Variants in NUP37 observed in about 807,000 individuals in gnomAD.
The protein encoded by NUP37 is nucleoporin Nup37.
Under a neutral mutation model 45.4 loss-of-function variants are expected in NUP37, and 33 were observed. That is an observed-to-expected ratio of 0.73 (90% CI 0.55 to 0.97). NUP37 has a LOEUF of 0.97. NUP37 is among the 50% of genes least tolerant of loss of function. The pLI, the probability that NUP37 is intolerant of heterozygous loss-of-function variation, is 0.00. For synonymous variants in NUP37, 127 were observed against 130.7 expected (o/e 0.97, Z 0.19); for missense variants, 365 against 389.7 (o/e 0.94, Z 0.53).
At chr12:102,078,520 A>T (rs953868733) in intron 6 of NUP37, among the ~76,000 whole-genome samples, 13 of 152,216 alleles carry the variant, frequency 8.5e-5, no homozygotes, top group African/African-American at 3.1e-4. Flanking sequence ...ACACATACTT[A>T]TGCAACTGAA....
At chr12:102,091,013 T>A (rs1245948032) in intron 5 of NUP37, among the ~76,000 whole-genome samples, 1 of 152,146 alleles carries the variant, frequency 6.6e-6, no homozygotes, top group Non-Finnish European at 1.5e-5. Flanking sequence ...TTTTAATATT[T>A]CCAAAATTAT....
chr12:102,081,341 T>A (rs118034789), intron 6 of NUP37, among the ~76,000 whole-genome samples: 3 of 152,194 alleles, frequency 2.0e-5, no homozygotes, highest in African/African-American at 7.2e-5. Flanking sequence ...TAAGAACAGA[T>A]AGGGTAGAAA....
intron 5 of NUP37, among the ~76,000 whole-genome samples, chr12:102,094,299 A>G (rs1879741157): frequency 6.6e-6 from 1 of 152,100 alleles, no homozygotes; most frequent in African/African-American, 2.4e-5. Flanking sequence ...ACTTTTCCTG[A>G]ATTTTAACTA....
intron 6 of NUP37, among the ~76,000 whole-genome samples, chr12:102,083,533 T>C (rs1437579118): frequency 6.6e-6 from 1 of 152,236 alleles, no homozygotes; most frequent in Non-Finnish European, 1.5e-5. Flanking sequence ...ATGTCATCAT[T>C]CTACTTAATA....
chr12:102,098,687 G>A (rs550650232), intron 5 of NUP37, among the ~76,000 whole-genome samples: 1 of 152,100 alleles, frequency 6.6e-6, no homozygotes, highest in African/African-American at 2.4e-5. Flanking sequence ...GCGCACTACC[G>A]TGCCTGGCTA....
chr12:102,117,759 G>A (rs1880505841), intron 2 of NUP37, among the ~76,000 whole-genome samples: 1 of 152,194 alleles, frequency 6.6e-6, no homozygotes, highest in African/African-American at 2.4e-5. Context: ...TACAGGAGAT[G>A]CTAAATATCT....
At chr12:102,074,890 C>T (rs1385140927) in intron 9 of NUP37, 111 bp downstream of exon 9, 1 of 558,502 alleles carries the variant, frequency 1.8e-6, no homozygotes, top group Non-Finnish European at 3.0e-6. Context: ...AGATAACAAA[C>T]GTAAATGTCT....
chr12:102,097,681 T>C (rs1204165283), intron 5 of NUP37, among the ~76,000 whole-genome samples: 2 of 152,208 alleles, frequency 1.3e-5, no homozygotes, highest in Non-Finnish European at 2.9e-5. Flanking sequence ...CCTTTGCAGG[T>C]TTCATTATTC....
chr12:102,081,677 T>C (rs891626523), intron 6 of NUP37, among the ~76,000 whole-genome samples: 4 of 152,182 alleles, frequency 2.6e-5, no homozygotes, highest in African/African-American at 9.7e-5. Context: ...TAGAAAGCAT[T>C]CAACAAATGT....
At position 102,077,327 on chromosome 12, in the gene NUP37, C is replaced by T; in HGVS notation, c.717G>A (p.Arg239=). ...GNDWLIWDIT[R]SSYPQNKRPV... is the part of the protein sequence containing the mutation. ...CAAACATATCAAGAAAGTACCTGGACCGAGTAATATCCCAAATTAACCAAT... is the reference window on the plus strand; with the variant it reads ...CAAACATATCAAGAAAGTACCTGGATCGAGTAATATCCCAAATTAACCAAT... Residue 239 remains arginine, a synonymous_variant, in exon 7 of 10, where the codon CGG becomes CGA. Transcript: ENST00000552283. The T allele has an allele frequency of 6.2e-7, 1 of 1,614,012 alleles. No homozygotes were observed.
chr12:102,075,356 GT>G (rs973506054), intron 8 of NUP37, among the ~76,000 whole-genome samples: 1 of 151,662 alleles, frequency 6.6e-6, no homozygotes, highest in East Asian at 1.9e-4. Context: ...TTAATTTTTT[GT>G]TTTTTGTAGG....
intron 3 of NUP37, among the ~76,000 whole-genome samples, chr12:102,111,057 A>G (rs1469144051): frequency 6.6e-6 from 1 of 152,220 alleles, no homozygotes; most frequent in African/African-American, 2.4e-5. Context: ...TAGAAACTGT[A>G]TTGGTACCTA....
intron 5 of NUP37, among the ~76,000 whole-genome samples, chr12:102,091,157 G>A (rs1199162534): frequency 6.6e-6 from 1 of 152,086 alleles, no homozygotes; most frequent in Non-Finnish European, 1.5e-5. Flanking sequence ...AACACCTTGG[G>A]AGGCTGAGGC....
At chr12:102,102,055 A>C (rs779446328) in intron 3 of NUP37, among the ~76,000 whole-genome samples, 2 of 152,176 alleles carry the variant, frequency 1.3e-5, no homozygotes, top group Non-Finnish European at 2.9e-5. Context: ...GTTTATCTTT[A>C]ATCCTAAATT....
intron 3 of NUP37, among the ~76,000 whole-genome samples, chr12:102,102,451 A>AT (rs1880000170): frequency 6.6e-6 from 1 of 152,220 alleles, no homozygotes; most frequent in Admixed American, 6.5e-5. Flanking sequence ...ATTTTAAAAT[A>AT]TAACTGTTTT....
At chr12:102,109,908 G>C (rs1467833227) in intron 3 of NUP37, among the ~76,000 whole-genome samples, 2 of 152,158 alleles carry the variant, frequency 1.3e-5, no homozygotes, top group Non-Finnish European at 2.9e-5. Context: ...GAATCAAAGA[G>C]ACTTGTTCTT....
intron 1 of NUP37, chr12:102,119,274 C>G (rs780612467): frequency 6.6e-5 from 10 of 152,194 alleles, no homozygotes; most frequent in South Asian, 2.1e-4. Flanking sequence ...GGGGGTTGGG[C>G]GGAGGGAGAG....
chr12:102,079,123 T>C (rs949637650), intron 6 of NUP37: 3 of 447,612 alleles, frequency 6.7e-6, no homozygotes, highest in Admixed American at 2.4e-5. Context: ...GTGTAAATAG[T>C]AGTGGTAGAT....
rs142208212 is a variant in NUP37 at position 102,103,289 on chromosome 12, C to T, written c.282-2185G>A. 1.8e-3 allele frequency among the ~76,000 whole-genome samples: 276 copies of T among 152,202 alleles called. 4 individuals carry two copies. The East Asian group carries it at 0.039, about 21-fold the overall frequency. On this transcript the variant is annotated intron_variant, in intron 3 of 9. Transcript: ENST00000552283. ...TCAATGTCTTTCATCAATGTTTTAT[C>T]GTTTCTGTGTACAGATCTTTTACCA...
Sources: gnomAD v4.1 joint callset for allele counts (sites outside exome capture counted in the v4.1 genomes callset) on GRCh38, gnomAD v4.1.1 for gene constraint, MANE v1.5 for transcripts, NCBI Gene and HGNC (gene_info 2026-07-23, HGNC 2026-07-21) for gene names.